TAFA2: variants seen among roughly 807,000 people sequenced by gnomAD.
The protein encoded by TAFA2 is TAFA chemokine like family member 2, also known as chemokine-like protein TAFA-2.
A neutral mutation model predicts 18.8 loss-of-function variants in TAFA2; 7 were observed. The ratio of observed to expected loss-of-function variants is 0.37; its 90% CI spans 0.21 to 0.70. The LOEUF is 0.70. Ranked by LOEUF, TAFA2 falls within the 30% of genes least tolerant of loss-of-function variation. The pLI is 0.53. For synonymous variants in TAFA2, 60 were observed against 54.2 expected, an observed-to-expected ratio of 1.11 and a Z score of -0.47; for missense variants, 122 against 158.1, an observed-to-expected ratio of 0.77 and a Z score of 1.23.
At chr12:62,165,761 C>T (rs1210155819) in intron 1 of TAFA2, among the ~76,000 whole-genome samples, 1 of 152,006 alleles carries the variant, frequency 6.6e-6, no homozygotes. Context: ...AGTTTCTCAC[C>T]ACCAAGGCCA....
At chr12:62,257,622 A>G (rs1457236000) in intron 1 of TAFA2, among the ~76,000 whole-genome samples, 1 of 152,204 alleles carries the variant, frequency 6.6e-6, no homozygotes, top group Non-Finnish European at 1.5e-5. Flanking sequence ...AGTACTCAGC[A>G]TACTCAGCTC....
At chr12:61,763,459 C>T (rs914780647) in intron 2 of TAFA2, among the ~76,000 whole-genome samples, 2 of 151,908 alleles carry the variant, frequency 1.3e-5, no homozygotes, top group African/African-American at 2.4e-5. Flanking sequence ...TGCCTCTCAC[C>T]TCAATCATGA....
chr12:62,050,561 G>T (rs1882026034), intron 1 of TAFA2, among the ~76,000 whole-genome samples: 1 of 149,774 alleles, frequency 6.7e-6, no homozygotes, highest in Non-Finnish European at 1.5e-5. Flanking sequence ...GACAGAGTGA[G>T]ACTCTGTCTC....
chr12:62,012,013 G>A (rs960642103), intron 1 of TAFA2, among the ~76,000 whole-genome samples: 2 of 152,210 alleles, frequency 1.3e-5, no homozygotes, highest in Admixed American at 6.5e-5. Flanking sequence ...ATACGCTACT[G>A]ACAATTGTTT....
chr12:61,923,565 C>A (rs546157087), intron 1 of TAFA2, among the ~76,000 whole-genome samples: 1 of 152,170 alleles, frequency 6.6e-6, no homozygotes, highest in Admixed American at 6.5e-5. Flanking sequence ...GATGCCCACA[C>A]AAAAATGCCA....
At chr12:62,163,734 C>T (rs560696493) in intron 1 of TAFA2, among the ~76,000 whole-genome samples, 1 of 152,154 alleles carries the variant, frequency 6.6e-6, no homozygotes, top group African/African-American at 2.4e-5. Flanking sequence ...TTAAATATGG[C>T]AAATATATCA....
At chr12:61,727,991 G>A (rs11174146) in intron 4 of TAFA2, among the ~76,000 whole-genome samples, 10,409 of 148,656 alleles carry the variant, frequency 0.07, 1,143 homozygotes, top group African/African-American at 0.24. Context: ...ATTCAGGAGC[G>A]GATTACTTAA....
chr12:62,007,788 T>C (rs1399629130), intron 1 of TAFA2, among the ~76,000 whole-genome samples: 1 of 104,722 alleles, frequency 9.5e-6, no homozygotes, highest in Non-Finnish European at 2.1e-5. Flanking sequence ...ATCAAATCAA[T>C]GTAATTAGCA....
intron 1 of TAFA2, among the ~76,000 whole-genome samples, chr12:61,914,649 A>C (rs981948998): frequency 6.6e-6 from 1 of 152,200 alleles, no homozygotes; most frequent in African/African-American, 2.4e-5. Flanking sequence ...AGATAGTAGT[A>C]CCTGACATTA....
At chr12:61,945,663 C>A (rs1018216937) in intron 1 of TAFA2, among the ~76,000 whole-genome samples, 2 of 131,980 alleles carry the variant, frequency 1.5e-5, no homozygotes, top group African/African-American at 6.0e-5. Context: ...ACACCAACAA[C>A]AGACAAACAG....
intron 1 of TAFA2, among the ~76,000 whole-genome samples, chr12:61,920,495 C>T (rs1197866650): frequency 6.6e-6 from 1 of 152,160 alleles, no homozygotes; most frequent in East Asian, 1.9e-4. Flanking sequence ...CATATATTTA[C>T]CTTCCCACAG....
chr12:61,780,854 T>C (rs1187105201), intron 2 of TAFA2, among the ~76,000 whole-genome samples: 5 of 151,790 alleles, frequency 3.3e-5, no homozygotes, highest in African/African-American at 1.2e-4. Flanking sequence ...AATAAAGTCT[T>C]CCTTGCCATT....
rs1881833223 is a variant in TAFA2, at chr12:62,043,771, T to C, written c.-2+147488A>G. ...ATTATATCTTGCATATAATACATGA[T>C]AGTTTCATCCTATGTCAAATCCATA... On this transcript the variant is annotated intron_variant, in intron 1 of 4. Coordinates refer to ENST00000416284, the MANE Select transcript of TAFA2 (RefSeq NM_178539.5). Among the ~76,000 whole-genome samples, 3 of 152,288 alleles carry C rather than the reference T, an allele frequency of 2.0e-5. No homozygotes were observed. In the South Asian group the frequency reaches 6.2e-4, roughly 32 times the overall value.
At chr12:62,152,911 T>C (rs547593650) in intron 1 of TAFA2, among the ~76,000 whole-genome samples, 18 of 152,342 alleles carry the variant, frequency 1.2e-4, no homozygotes, top group African/African-American at 4.3e-4. Flanking sequence ...GATACGTTGA[T>C]GTCTAGCATG....
chr12:62,191,912 C>T lies in TAFA2; in HGVS notation c.-655G>A, dbSNP rs890735002. 2 of 152,330 alleles carry T rather than the reference C, an allele frequency of 1.3e-5. No homozygotes were observed. Among genetic ancestry groups the T allele is most frequent in the South Asian group, 4.1e-4 (2 of 4,830 alleles). 9.4% of individuals were successfully genotyped at this position (152,330 alleles called of 1,614,324 possible). A position where few individuals can be genotyped will look rare whatever the true frequency, so the allele number is the denominator to read the frequency against. ...AAGGCAATTGGACAGAATGATTCACCTTCAGGAAAGCAGCCTCGGCCACGC... is the reference window on the plus strand; with the variant it reads ...AAGGCAATTGGACAGAATGATTCACTTTCAGGAAAGCAGCCTCGGCCACGC... On this transcript the variant is annotated 5_prime_UTR_variant, in exon 1 of 5. Coordinates refer to ENST00000416284, the MANE Select transcript of TAFA2 (RefSeq NM_178539.5).
At chr12:61,781,577 G>C (rs959685509) in intron 2 of TAFA2, among the ~76,000 whole-genome samples, 2 of 151,516 alleles carry the variant, frequency 1.3e-5, no homozygotes, top group African/African-American at 4.8e-5. Flanking sequence ...CATCAAATTA[G>C]TGTGTGCATG....
At chr12:61,963,897 C>T (rs575502069) in intron 1 of TAFA2, among the ~76,000 whole-genome samples, 1 of 152,018 alleles carries the variant, frequency 6.6e-6, no homozygotes, top group Non-Finnish European at 1.5e-5. Context: ...ACCAATGGAA[C>T]AGAACAGAGG....
intron 1 of TAFA2, among the ~76,000 whole-genome samples, chr12:62,242,246 T>C (rs1369781025): frequency 6.6e-6 from 1 of 152,166 alleles, no homozygotes; most frequent in Non-Finnish European, 1.5e-5. Context: ...TTTATGAATA[T>C]TTTGAAAGTA....
chr12:61,947,702 C>A (rs1031116592), intron 1 of TAFA2, among the ~76,000 whole-genome samples: 1 of 152,048 alleles, frequency 6.6e-6, no homozygotes, highest in Non-Finnish European at 1.5e-5. Context: ...ATTCTCTGGC[C>A]CCTGAAAGTT....
Sources: allele counts gnomAD v4.1 joint callset (sites outside exome capture counted in the v4.1 genomes callset), GRCh38; gene constraint gnomAD v4.1.1; transcripts MANE v1.5; gene names NCBI Gene and HGNC (gene_info 2026-07-23, HGNC 2026-07-21).